Variants in UAP1 observed in about 807,000 individuals in gnomAD.
UAP1 encodes UDP-N-acetylglucosamine pyrophosphorylase 1.
A neutral mutation model predicts 58.5 loss-of-function variants in UAP1; 25 were observed. That is an observed-to-expected ratio of 0.43 (90% CI 0.31 to 0.60). The LOEUF (loss-of-function observed/expected upper bound fraction) is 0.60, where lower values mean the gene tolerates loss of function less well. Among genes scored for constraint, UAP1 ranks in the 20% least tolerant of loss-of-function variants. The pLI, the probability that UAP1 is intolerant of heterozygous loss-of-function variation, is 0.11. For synonymous variants in UAP1, 208 were observed against 213.0 expected (o/e 0.98, Z 0.21); for missense variants, 575 against 630.0 (o/e 0.91, Z 0.93).
At chr1:162,599,317 T>G (rs190156359) in exon 11 of UAP1, 1 of 1,612,668 alleles carries the variant, frequency 6.2e-7, no homozygotes, top group East Asian at 2.2e-5. Flanking sequence ...GCACCTCTAA[T>G]CATCGATGAG....
At chr1:162,574,915 A>T (rs1350483338) in intron 2 of UAP1, among the ~76,000 whole-genome samples, 1 of 152,222 alleles carries the variant, frequency 6.6e-6, no homozygotes, top group Non-Finnish European at 1.5e-5. Context: ...ATTTTTATTC[A>T]AACATTATGC....
At chr1:162,587,760 T>C (rs1654989941) in intron 6 of UAP1, 92 bp downstream of exon 6, 4 of 1,211,824 alleles carry the variant, frequency 3.3e-6, no homozygotes, top group Admixed American at 2.2e-5. Flanking sequence ...CAAGTCCATA[T>C]CCCACAGAAT....
chr1:162,566,621 G>A (rs555044488), intron 2 of UAP1, among the ~76,000 whole-genome samples: 1 of 151,788 alleles, frequency 6.6e-6, no homozygotes, highest in Admixed American at 6.6e-5. Flanking sequence ...TTAAGTTTAA[G>A]CTGGCTTAAT....
intron 9 of UAP1, among the ~76,000 whole-genome samples, chr1:162,596,180 A>G (rs1013909249): frequency 2.7e-5 from 4 of 149,846 alleles, no homozygotes; most frequent in African/African-American, 4.9e-5. Context: ...TAATTAATGT[A>G]TTTATTTATT....
In UAP1 at chr1:162,590,524, C is replaced by G; in HGVS notation, c.1358+13C>G. ...CAGCAATTCCCCGGTAAGTCAGTAT[C>G]TTTTCTCTTTTGTATGAATCCTTTC... On this transcript the variant is annotated intron_variant, in intron 8 of 10. Transcript: ENST00000271469. 5 of 1,586,566 alleles carry G rather than the reference C, an allele frequency of 3.2e-6. No homozygotes were observed. The highest frequency in any genetic ancestry group is 4.3e-6 in the Non-Finnish European group (5 of 1,166,716).
At chr1:162,595,330 C>G (rs1175746173) in intron 9 of UAP1, among the ~76,000 whole-genome samples, 5 of 152,178 alleles carry the variant, frequency 3.3e-5, no homozygotes, top group Non-Finnish European at 7.3e-5. Context: ...ACCTTCTGTT[C>G]CTGCTACACT....
At chr1:162,599,756 A>T (rs920387080) in exon 11 of UAP1, 5 of 154,810 alleles carry the variant, frequency 3.2e-5, no homozygotes, top group African/African-American at 1.2e-4. Context: ...TGGTACTAAA[A>T]GTTTGTTTTA....
chr1:162,574,220 G>A (rs1384779089), intron 2 of UAP1, among the ~76,000 whole-genome samples: 2 of 151,466 alleles, frequency 1.3e-5, no homozygotes, highest in African/African-American at 4.9e-5. Flanking sequence ...AGCCTCCTGA[G>A]CAGCTGGGAT....
intron 4 of UAP1, 104 bp from the exon 5 acceptor site, chr1:162,581,183 C>G (rs983467364): frequency 7.6e-7 from 1 of 1,310,294 alleles, no homozygotes; most frequent in African/African-American, 1.5e-5. Context: ...CTTTGTAAAG[C>G]GAATTTTGTT....
chr1:162,595,397 C>G (rs180722635), intron 9 of UAP1, among the ~76,000 whole-genome samples: 7 of 152,168 alleles, frequency 4.6e-5, no homozygotes, highest in Non-Finnish European at 7.4e-5. Context: ...GGGGTGGGCC[C>G]TCATTTTTTC....
intron 7 of UAP1, among the ~76,000 whole-genome samples, chr1:162,589,190 TATTATATATTATATTTAAA>T (rs1655129803): frequency 2.9e-5 from 2 of 68,646 alleles, no homozygotes; most frequent in South Asian, 4.3e-4. Flanking sequence ...ATATAATATA[TATTATATATTATATTTAAA>T]TATATATAAT....
chr1:162,580,457 A>G (rs1654513374), intron 4 of UAP1, among the ~76,000 whole-genome samples: 1 of 152,226 alleles, frequency 6.6e-6, no homozygotes. Context: ...AATGGGACCC[A>G]CTAGAATTGG....
At chr1:162,569,914 C>T (rs1653743527) in intron 2 of UAP1, among the ~76,000 whole-genome samples, 1 of 152,048 alleles carries the variant, frequency 6.6e-6, no homozygotes, top group African/African-American at 2.4e-5. Flanking sequence ...CTTTGGGAGG[C>T]CAAGGCAGGA....
At chr1:162,566,712 C>T (rs1465756700) in intron 2 of UAP1, among the ~76,000 whole-genome samples, 4 of 151,988 alleles carry the variant, frequency 2.6e-5, no homozygotes, top group Non-Finnish European at 5.9e-5. Context: ...CTGCAACCTC[C>T]ACCTCCTGGG....
At chr1:162,591,428 G>A (rs972315751) in intron 8 of UAP1, among the ~76,000 whole-genome samples, 5 of 152,080 alleles carry the variant, frequency 3.3e-5, no homozygotes, top group African/African-American at 1.2e-4. Flanking sequence ...AAAAAAAGAA[G>A]GTATTGTAGT....
chr1:162,574,464 A>C (rs1337498833), intron 2 of UAP1, among the ~76,000 whole-genome samples: 2 of 152,246 alleles, frequency 1.3e-5, no homozygotes, highest in African/African-American at 2.4e-5. Context: ...GTCAAAAACA[A>C]AGCACAAAGT....
At chr1:162,562,974 T>A (rs1416193834) in intron 1 of UAP1, among the ~76,000 whole-genome samples, 1 of 152,220 alleles carries the variant, frequency 6.6e-6, no homozygotes, top group African/African-American at 2.4e-5. Context: ...TATTTGATAA[T>A]GGTAGATTAT....
intron 1 of UAP1, among the ~76,000 whole-genome samples, chr1:162,563,455 C>G (rs566159861): frequency 1.3e-5 from 2 of 152,088 alleles, no homozygotes; most frequent in Non-Finnish European, 2.9e-5. Context: ...ACCTCCGCCT[C>G]CCCGGTTCAG....
chr1:162,583,977 C>T (rs1233941904), intron 5 of UAP1, among the ~76,000 whole-genome samples: 2 of 152,180 alleles, frequency 1.3e-5, no homozygotes, highest in African/African-American at 2.4e-5. Context: ...GCTCAAGGTT[C>T]TTTATCACAT....
Sources: gnomAD v4.1 joint callset for allele counts (sites outside exome capture counted in the v4.1 genomes callset) on GRCh38, gnomAD v4.1.1 for gene constraint, MANE v1.5 for transcripts, NCBI Gene and HGNC (gene_info 2026-07-23, HGNC 2026-07-21) for gene names.